Variants in AGMO observed in about 807,000 individuals in gnomAD.
The protein encoded by AGMO is alkylglycerol monooxygenase, also known as glyceryl-ether monooxygenase.
Under a neutral mutation model 60.2 loss-of-function variants are expected in AGMO, and 75 were observed. That is an observed-to-expected ratio of 1.25 (90% CI 1.03 to 1.51). AGMO has a LOEUF of 1.51. Among genes scored for constraint, AGMO ranks in the 40% most tolerant of loss-of-function variants. The probability of loss-of-function intolerance (pLI) is 0.00; values close to 1 mark genes in which losing one functional copy is unlikely to be tolerated. For synonymous variants in AGMO, 261 were observed against 177.1 expected, an observed-to-expected ratio of 1.47 and a Z score of -3.76; for missense variants, 763 against 525.5, an observed-to-expected ratio of 1.45 and a Z score of -4.42.
rs911426186 is a variant in AGMO at position 15,498,148 on chromosome 7, C to T, written c.409+46624G>A. Among the ~76,000 whole-genome samples, 18 of 151,912 alleles carry T rather than the reference C, an allele frequency of 1.2e-4. No homozygotes were observed. The South Asian group carries it at 2.5e-3, about 21-fold the overall frequency. On this transcript the variant is annotated intron_variant, in intron 3 of 12. Transcript: ENST00000342526. ...AAATGTCAGTTGTATTTATGTTATGCGGGAAAAACACCTCAGAATACAAAA... is the reference window on the plus strand; with the variant it reads ...AAATGTCAGTTGTATTTATGTTATGTGGGAAAAACACCTCAGAATACAAAA...
chr7:15,368,521 T>G (rs1448626222), intron 10 of AGMO, among the ~76,000 whole-genome samples: 1 of 152,142 alleles, frequency 6.6e-6, no homozygotes, highest in African/African-American at 2.4e-5. Context: ...AGCAAATTAT[T>G]TGACATTTTA....
intron 5 of AGMO, among the ~76,000 whole-genome samples, chr7:15,402,664 A>C (rs575450851): frequency 4.7e-5 from 7 of 147,898 alleles, no homozygotes; most frequent in African/African-American, 1.7e-4. Flanking sequence ...TATTAAATAT[A>C]TACAAATATA....
At chr7:15,220,514 G>A (rs552707423) in intron 12 of AGMO, among the ~76,000 whole-genome samples, 7 of 151,602 alleles carry the variant, frequency 4.6e-5, no homozygotes, top group Admixed American at 2.0e-4. Context: ...CATCATGCCC[G>A]GCCCTGACTG....
At chr7:15,399,345 T>C (rs187230127) in intron 5 of AGMO, among the ~76,000 whole-genome samples, 7 of 152,180 alleles carry the variant, frequency 4.6e-5, no homozygotes, top group Non-Finnish European at 8.8e-5. Flanking sequence ...TTCATAAAGC[T>C]TTAAGAGCCA....
chr7:15,529,525 ACTAGAATATATATATATT>A (rs1784220160), intron 3 of AGMO, among the ~76,000 whole-genome samples: 1 of 106,518 alleles, frequency 9.4e-6, no homozygotes, highest in African/African-American at 3.6e-5. Flanking sequence ...CTGTTCTTAG[ACTAGAATATATATATATT>A]CTATATATAT....
the AGMO span, among the ~76,000 whole-genome samples, chr7:15,185,767 T>C: frequency 9.9e-5 from 15 of 152,192 alleles, no homozygotes; most frequent in Non-Finnish European, 2.2e-4. Context: ...ATAAAGAATA[T>C]GTGCCTTGTT....
At chr7:15,122,005 T>C in the AGMO span, among the ~76,000 whole-genome samples, 3 of 152,118 alleles carry the variant, frequency 2.0e-5, no homozygotes, top group African/African-American at 7.2e-5. Flanking sequence ...GGACAAAGAC[T>C]TCACGACTAA....
chr7:15,196,597 T>C (rs1489578509), downstream of AGMO, among the ~76,000 whole-genome samples: 1 of 152,126 alleles, frequency 6.6e-6, no homozygotes, highest in Non-Finnish European at 1.5e-5. Context: ...TTGCCAGAGG[T>C]TTGAAAAATA....
intron 12 of AGMO, among the ~76,000 whole-genome samples, chr7:15,337,402 A>G (rs1781696134): frequency 1.3e-5 from 2 of 152,120 alleles, no homozygotes; most frequent in African/African-American, 2.4e-5. Context: ...AATGAGAGGA[A>G]TGACTGGCCA....
At chr7:15,322,804 T>C (rs1781213805) in intron 12 of AGMO, among the ~76,000 whole-genome samples, 1 of 138,690 alleles carries the variant, frequency 7.2e-6, no homozygotes, top group Admixed American at 7.8e-5. Flanking sequence ...CAGGAAAAAA[T>C]ATGTATACAC....
intron 3 of AGMO, among the ~76,000 whole-genome samples, chr7:15,487,070 A>C (rs998586014): frequency 6.6e-6 from 1 of 152,228 alleles, no homozygotes; most frequent in African/African-American, 2.4e-5. Context: ...GTAAAAAGAC[A>C]TTAAATTACT....
At chr7:15,438,882 A>G (rs916655572) in intron 3 of AGMO, among the ~76,000 whole-genome samples, 2 of 152,212 alleles carry the variant, frequency 1.3e-5, no homozygotes, top group Non-Finnish European at 2.9e-5. Flanking sequence ...TGTTGTTATT[A>G]ATACATGTGA....
intron 12 of AGMO, among the ~76,000 whole-genome samples, chr7:15,346,263 A>T (rs893975487): frequency 2.6e-5 from 4 of 152,132 alleles, no homozygotes; most frequent in African/African-American, 9.7e-5. Flanking sequence ...ATTAAGATAA[A>T]CCAAACCACT....
intron 12 of AGMO, among the ~76,000 whole-genome samples, chr7:15,341,039 A>C (rs1240009318): frequency 6.6e-6 from 1 of 152,158 alleles, no homozygotes; most frequent in Non-Finnish European, 1.5e-5. Context: ...ATCCACCTCT[A>C]GCATCAGAGT....
In AGMO at chr7:15,493,500, C is replaced by T. The variant is rs542087499; in HGVS notation, c.409+51272G>A. On this transcript the variant is annotated intron_variant, in intron 3 of 12. Coordinates refer to ENST00000342526, the MANE Select transcript of AGMO (RefSeq NM_001004320.2). ...GCCATTCTCCTGCCTCAGCCTCCCG[C>T]GTAGCTGGGTCTGCAGGCGCCCGCC... Among the ~76,000 whole-genome samples the T allele has an allele frequency of 1.1e-4, 16 of 150,034 alleles. No homozygotes were observed. The East Asian group carries it at 2.8e-3, about 26-fold the overall frequency.
the AGMO span, among the ~76,000 whole-genome samples, chr7:15,118,173 A>ACACACACAC: frequency 0.016 from 2,326 of 144,644 alleles, 33 homozygotes; most frequent in Middle Eastern, 0.035. Context: ...ACTAAAGAGA[A>ACACACACAC]ACACACACAC....
intron 12 of AGMO, among the ~76,000 whole-genome samples, chr7:15,348,371 C>T (rs1255167866): frequency 1.3e-5 from 2 of 151,628 alleles, no homozygotes; most frequent in South Asian, 2.1e-4. Flanking sequence ...ATTGAATGAT[C>T]GATGAAACTG....
intron 5 of AGMO, among the ~76,000 whole-genome samples, chr7:15,398,248 GA>G (rs1354444504): frequency 1.3e-5 from 2 of 152,164 alleles, no homozygotes; most frequent in African/African-American, 2.4e-5. Flanking sequence ...GCATGCAGAT[GA>G]TTGGAGCCTT....
At chr7:15,125,416 G>GT in the AGMO span, among the ~76,000 whole-genome samples, 1 of 152,092 alleles carries the variant, frequency 6.6e-6, no homozygotes, top group East Asian at 1.9e-4. Flanking sequence ...GAGCCCCATA[G>GT]CTTAATGCTA....
Sources: gnomAD v4.1 joint callset for allele counts (sites outside exome capture counted in the v4.1 genomes callset) on GRCh38, gnomAD v4.1.1 for gene constraint, MANE v1.5 for transcripts, NCBI Gene and HGNC (gene_info 2026-07-23, HGNC 2026-07-21) for gene names.